EPB41L4A: variants seen among roughly 807,000 people sequenced by gnomAD.
The protein encoded by EPB41L4A is band 4.1-like protein 4A.
A neutral mutation model predicts 108.6 loss-of-function variants in EPB41L4A; 100 were observed. The ratio of observed to expected loss-of-function variants is 0.92; its 90% CI spans 0.78 to 1.09. The LOEUF (loss-of-function observed/expected upper bound fraction) is 1.09. Among genes scored for constraint, EPB41L4A ranks in the 50% least tolerant of loss-of-function variants. EPB41L4A has a pLI of 0.00. For missense variants in EPB41L4A, 1,030 were observed against 842.7 expected, an observed-to-expected ratio of 1.22 and a Z score of -2.75; for synonymous variants, 319 against 289.0, an observed-to-expected ratio of 1.10 and a Z score of -1.05.
intron 1 of EPB41L4A, among the ~76,000 whole-genome samples, chr5:112,378,362 T>C (rs2112586893): frequency 6.6e-6 from 1 of 152,328 alleles, no homozygotes; most frequent in Middle Eastern, 3.4e-3. Context: ...TCTAGCCCTG[T>C]AATCTACCCT....
intron 1 of EPB41L4A, among the ~76,000 whole-genome samples, chr5:112,362,470 G>A (rs1006745882): frequency 5.9e-5 from 9 of 151,824 alleles, no homozygotes; most frequent in South Asian, 2.1e-4. Flanking sequence ...TAGTAGACAC[G>A]GGATTTCACC....
chr5:112,243,367 TAGAGCAC>T (rs1749960158), intron 9 of EPB41L4A, among the ~76,000 whole-genome samples: 1 of 152,044 alleles, frequency 6.6e-6, no homozygotes, highest in African/African-American at 2.4e-5. Flanking sequence ...TTTCCATTTA[TAGAGCAC>T]AGAGTACAGT....
chr5:112,324,586 G>A (rs967422819), intron 1 of EPB41L4A, among the ~76,000 whole-genome samples: 1 of 151,922 alleles, frequency 6.6e-6, no homozygotes, highest in African/African-American at 2.4e-5. Flanking sequence ...AGCCAGGCGT[G>A]GTGGAACGCG....
chr5:112,148,587 A>C (rs1329496312), intron 12 of EPB41L4A, among the ~76,000 whole-genome samples: 2 of 152,178 alleles, frequency 1.3e-5, no homozygotes, highest in Non-Finnish European at 2.9e-5. Flanking sequence ...ATGGTTCAAA[A>C]GGGAAGAAAA....
intron 15 of EPB41L4A, among the ~76,000 whole-genome samples, chr5:112,201,478 T>C (rs1378376002): frequency 2.0e-5 from 3 of 152,244 alleles, no homozygotes; most frequent in Non-Finnish European, 2.9e-5. Context: ...TATGCAAATT[T>C]AGCCATATTT....
intron 17 of EPB41L4A, among the ~76,000 whole-genome samples, chr5:112,185,059 T>C (rs1761357122): frequency 6.6e-6 from 1 of 151,012 alleles, no homozygotes; most frequent in African/African-American, 2.4e-5. Context: ...TGTGAAATAC[T>C]GTCTTGAATG....
chr5:112,372,882 A>G (rs1159002908), intron 1 of EPB41L4A, among the ~76,000 whole-genome samples: 1 of 152,178 alleles, frequency 6.6e-6, no homozygotes, highest in Non-Finnish European at 1.5e-5. Context: ...TAAAGGGTGG[A>G]AGCAGAGATA....
At chr5:112,418,624 C>T (rs905260716) in intron 1 of EPB41L4A, among the ~76,000 whole-genome samples, 1 of 152,164 alleles carries the variant, frequency 6.6e-6, no homozygotes, top group African/African-American at 2.4e-5. Context: ...CCATTCTGCC[C>T]CTCTTTGAGA....
In EPB41L4A at chr5:112,342,998, AGTGTCATATTCAGAAT is replaced by A. The variant is rs1757412770; in HGVS notation, c.100-35524_100-35509del. 4.6e-5 allele frequency among the ~76,000 whole-genome samples: 7 copies of A among 152,330 alleles called. No individual in the cohort carries two copies. The South Asian group carries it at 1.5e-3, about 32-fold the overall frequency. ...AATGTACAACTGACTTTAAATGAAA[AGTGTCATATTCAGAAT>A]GTGGCCGATAGAAATAGATCCCATT... On this transcript the variant is annotated intron_variant, in intron 1 of 22. Coordinates refer to ENST00000261486, the MANE Select transcript of EPB41L4A (RefSeq NM_022140.5).
intron 2 of EPB41L4A, among the ~76,000 whole-genome samples, chr5:112,287,521 T>C (rs1250665893): frequency 1.3e-5 from 2 of 152,240 alleles, no homozygotes; most frequent in Non-Finnish European, 2.9e-5. Flanking sequence ...CCCTTGCAGT[T>C]AGAGAAAATC....
intron 9 of EPB41L4A, among the ~76,000 whole-genome samples, chr5:112,241,337 C>T (rs1182916065): frequency 6.6e-6 from 1 of 152,212 alleles, no homozygotes; most frequent in Non-Finnish European, 1.5e-5. Flanking sequence ...CTCCATCCTG[C>T]ATCAAGTCAC....
chr5:112,293,730 T>C lies in EPB41L4A; in HGVS notation c.205-13407A>G, dbSNP rs557152907. Among the ~76,000 whole-genome samples, 34 of 152,274 alleles carry C rather than the reference T, an allele frequency of 2.2e-4. 1 individual carries two copies. The highest frequency in any genetic ancestry group is 6.0e-4 in the African/African-American group (25 of 41,554). On this transcript the variant is annotated intron_variant, in intron 2 of 22. Coordinates refer to ENST00000261486, the MANE Select transcript of EPB41L4A (RefSeq NM_022140.5). Reference sequence around the variant, plus strand: ...AAAGCATGCAGTGCAAGAAGCGACTTTGGGGGAGCCGTTTGGGAGGCTCCC... The same window carrying C: ...AAAGCATGCAGTGCAAGAAGCGACTCTGGGGGAGCCGTTTGGGAGGCTCCC...
chr5:112,303,924 C>T (rs1407098318), intron 2 of EPB41L4A, among the ~76,000 whole-genome samples: 3 of 152,006 alleles, frequency 2.0e-5, no homozygotes, highest in African/African-American at 4.8e-5. Context: ...CTTGAACACA[C>T]CCAAACACTG....
At chr5:112,178,458 TCGA>T (rs1456437225) in intron 18 of EPB41L4A, among the ~76,000 whole-genome samples, 1 of 152,160 alleles carries the variant, frequency 6.6e-6, no homozygotes, top group African/African-American at 2.4e-5. Flanking sequence ...CTGCATCTAT[TCGA>T]CAACCAGTAA....
intron 9 of EPB41L4A, among the ~76,000 whole-genome samples, chr5:112,253,752 T>G (rs565568102): frequency 6.6e-6 from 1 of 152,358 alleles, no homozygotes; most frequent in Admixed American, 6.5e-5. Context: ...AAGTAAAATG[T>G]TAACCATAAG....
chr5:112,166,109 G>A (rs992315102), intron 22 of EPB41L4A, among the ~76,000 whole-genome samples: 1 of 152,140 alleles, frequency 6.6e-6, no homozygotes, highest in East Asian at 1.9e-4. Flanking sequence ...GTCTAGGATT[G>A]AATCTGTCCA....
intron 1 of EPB41L4A, among the ~76,000 whole-genome samples, chr5:112,332,454 T>A (rs1239835862): frequency 6.6e-6 from 1 of 152,314 alleles, no homozygotes; most frequent in Non-Finnish European, 1.5e-5. Flanking sequence ...ATGAAATACA[T>A]GCGTATTGAT....
At chr5:112,326,181 C>T (rs1006057363) in intron 1 of EPB41L4A, among the ~76,000 whole-genome samples, 1 of 152,058 alleles carries the variant, frequency 6.6e-6, no homozygotes, top group African/African-American at 2.4e-5. Context: ...TTAAACTATA[C>T]ACCAAACCAT....
chr5:112,197,197 T>G (rs1307118966), intron 15 of EPB41L4A, among the ~76,000 whole-genome samples: 1 of 152,196 alleles, frequency 6.6e-6, no homozygotes, highest in African/African-American at 2.4e-5. Flanking sequence ...TAAACAAACA[T>G]AGACCTACTT....
Sources: gnomAD v4.1 joint callset for allele counts (sites outside exome capture counted in the v4.1 genomes callset) on GRCh38, gnomAD v4.1.1 for gene constraint, MANE v1.5 for transcripts, NCBI Gene and HGNC (gene_info 2026-07-23, HGNC 2026-07-21) for gene names.